The following FBXO31 variants were observed in gnomAD, a reference collection of about 807,000 sequenced individuals.
FBXO31 encodes the protein F-box only protein 31.
FBXO31 carries 24 observed loss-of-function variants against 54.4 expected under a neutral mutation model. That is an observed-to-expected ratio of 0.44 (90% CI 0.32 to 0.62). The LOEUF (loss-of-function observed/expected upper bound fraction) is 0.62. FBXO31 is among the 20% of genes least tolerant of loss of function. The probability of loss-of-function intolerance (pLI) is 0.05; values close to 1 mark genes in which losing one functional copy is unlikely to be tolerated. For synonymous variants in FBXO31, 388 were observed against 335.6 expected (o/e 1.16, Z -1.71); for missense variants, 665 against 787.1 (o/e 0.84, Z 1.86).
At chr16:87,343,818 G>T in intron 3 of FBXO31, 53 bp from the exon 4 acceptor site, 1 of 1,601,320 alleles carries the variant, frequency 6.2e-7, no homozygotes, top group Non-Finnish European at 8.5e-7. Context: ...CCAGAGCAAG[G>T]GCGGCCCCGC....
At chr16:87,379,661 A>G (rs1429013396) in intron 1 of FBXO31, among the ~76,000 whole-genome samples, 1 of 152,036 alleles carries the variant, frequency 6.6e-6, no homozygotes, top group African/African-American at 2.4e-5. Context: ...CATTTCATCC[A>G]TCAGCCAGGG....
At chr16:87,334,671 T>C (rs1904986205) in intron 7 of FBXO31, among the ~76,000 whole-genome samples, 1 of 152,142 alleles carries the variant, frequency 6.6e-6, no homozygotes, top group African/African-American at 2.4e-5. Context: ...AACTCTGGGG[T>C]CCAGGGAATG....
chr16:87,359,016 C>T (rs1029918660), intron 2 of FBXO31, among the ~76,000 whole-genome samples: 1 of 152,206 alleles, frequency 6.6e-6, no homozygotes, highest in Non-Finnish European at 1.5e-5. Context: ...GATTTTCTTC[C>T]ACCACCTGTT....
At chr16:87,360,918 A>G (rs530784890) in intron 1 of FBXO31, among the ~76,000 whole-genome samples, 1 of 151,614 alleles carries the variant, frequency 6.6e-6, no homozygotes, top group East Asian at 2.0e-4. Context: ...GGCCCTGGAC[A>G]CCTCCCGCAA....
intron 4 of FBXO31, among the ~76,000 whole-genome samples, chr16:87,343,238 G>A (rs1209494034): frequency 6.6e-6 from 1 of 152,272 alleles, no homozygotes; most frequent in East Asian, 1.9e-4. Context: ...AGGTGTGGCA[G>A]ATGACACGCT....
At position 87,327,543 on chromosome 16, in the gene FBXO31, C is replaced by T. The variant is rs754285286; in HGVS notation, c.*3745G>A. The T allele has an allele frequency of 5.9e-5, 9 of 152,306 alleles. No individual in the cohort carries two copies. The highest frequency in any genetic ancestry group is 1.2e-4 in the Non-Finnish European group (8 of 68,126). 9.4% of individuals were successfully genotyped at this position (152,306 alleles called of 1,614,324 possible). A position where few individuals can be genotyped will look rare whatever the true frequency, so the allele number is the denominator to read the frequency against. On this transcript the variant is annotated 3_prime_UTR_variant, in exon 9 of 9. Transcript: ENST00000311635. ...TGGTGGTGGGTGCCTGTGGTCCCAGCTACTTGGGAGGCTAAGGCGGGCAGA... is the reference window on the plus strand; with the variant it reads ...TGGTGGTGGGTGCCTGTGGTCCCAGTTACTTGGGAGGCTAAGGCGGGCAGA...
rs1015578948 is a variant in FBXO31, at chr16:87,327,861, G to A, written c.*3427C>T. The A allele has an allele frequency of 2.0e-5, 3 of 152,092 alleles. No homozygotes were observed. Among genetic ancestry groups the A allele is most frequent in the South Asian group, 2.1e-4 (1 of 4,826 alleles). The allele number at this position is 152,092 out of a possible 1,614,324, so 9.4% of individuals were successfully genotyped here. On this transcript the variant is annotated 3_prime_UTR_variant, in exon 9 of 9. Coordinates refer to ENST00000311635, the MANE Select transcript of FBXO31 (RefSeq NM_024735.5). ...GTGATGGTTCTATGAGCACATTCCC[G>A]TAAGTGTTCTTAAAAGTTACACCAC...
chr16:87,378,897 G>T (rs549941199), intron 1 of FBXO31, among the ~76,000 whole-genome samples: 1 of 150,920 alleles, frequency 6.6e-6, no homozygotes, highest in Non-Finnish European at 1.5e-5. Context: ...AGGAGGCGGA[G>T]CTTGCAATGA....
At position 87,346,077 on chromosome 16, in the gene FBXO31, G is replaced by A. The variant is rs1459484523; in HGVS notation, c.489+1097C>T. Among the ~76,000 whole-genome samples, 1 of 152,242 alleles carries A rather than the reference G, an allele frequency of 6.6e-6. No homozygotes were observed. The highest frequency in any genetic ancestry group is 1.5e-5 in the Non-Finnish European group (1 of 68,038). ...GACTCACAAAGCCAGGAAGAGAAAA[G>A]GAGGAATCAGGGCCTGGGGATAGAG... On this transcript the variant is annotated intron_variant, in intron 3 of 8. Transcript: ENST00000311635. This position sits in a 1 kb window ranked among gnomAD's most constrained non-coding sequence, Gnocchi z 4.2.
chr16:87,378,876 G>A (rs1448078052), intron 1 of FBXO31, among the ~76,000 whole-genome samples: 1 of 151,438 alleles, frequency 6.6e-6, no homozygotes, highest in East Asian at 2.0e-4. Flanking sequence ...GCAGGAGAAT[G>A]GCGTGAACCC....
chr16:87,376,917 C>G (rs1013476504), intron 1 of FBXO31, among the ~76,000 whole-genome samples: 1 of 152,220 alleles, frequency 6.6e-6, no homozygotes, highest in Non-Finnish European at 1.5e-5. Context: ...CGATCTATCT[C>G]ATATACGACT....
Position 87,346,306 on chromosome 16 carries a change from C to T in FBXO31, c.489+868G>A, listed in dbSNP as rs1038771933. ...CAGGCCACGGCACCCAGCAAGTGCC[C>T]AGGCGCACAGTGAGGGGTGGGGGGC... On this transcript the variant is annotated intron_variant, in intron 3 of 8. Transcript: ENST00000311635. This position sits in a 1 kb window ranked among gnomAD's most constrained non-coding sequence, Gnocchi z 4.2. Among the ~76,000 whole-genome samples, 2 of 151,638 alleles carry T rather than the reference C, an allele frequency of 1.3e-5. No homozygotes were observed. The highest frequency in any genetic ancestry group is 2.9e-5 in the Non-Finnish European group (2 of 67,954).
At chr16:87,350,052 T>C (rs34580952) in intron 2 of FBXO31, among the ~76,000 whole-genome samples, 66,597 of 152,022 alleles carry the variant, frequency 0.44, 16,163 homozygotes, top group Non-Finnish European at 0.58. Context: ...CGAACATGGT[T>C]TATGTCTGCT....
chr16:87,386,844 C>T (rs56829066), upstream of FBXO31, among the ~76,000 whole-genome samples: 2,800 of 152,162 alleles, frequency 0.018, 117 homozygotes, highest in African/African-American at 0.064. Context: ...AAAAAATGAG[C>T]TGTTTGAAAG....
intron 5 of FBXO31, among the ~76,000 whole-genome samples, chr16:87,341,533 C>T (rs28431291): frequency 6.6e-6 from 1 of 151,856 alleles, no homozygotes; most frequent in East Asian, 1.9e-4. Flanking sequence ...GCAGGTGCCT[C>T]TAAGCCCAGC....
chr16:87,370,133 G>A (rs1220745583), intron 1 of FBXO31, among the ~76,000 whole-genome samples: 1 of 152,196 alleles, frequency 6.6e-6, no homozygotes, highest in Non-Finnish European at 1.5e-5. Flanking sequence ...CTTTGGAAGA[G>A]CCCTTACTGT....
intron 1 of FBXO31, among the ~76,000 whole-genome samples, chr16:87,370,936 G>A (rs1041326261): frequency 1.6e-4 from 24 of 152,180 alleles, no homozygotes; most frequent in African/African-American, 5.5e-4. Context: ...CACAGGGAAT[G>A]AGCTGGCGGT....
At chr16:87,363,520 T>C (rs951836763) in intron 1 of FBXO31, among the ~76,000 whole-genome samples, 1 of 152,206 alleles carries the variant, frequency 6.6e-6, no homozygotes, top group African/African-American at 2.4e-5. Context: ...ATTTCTTAAG[T>C]GAAAATTTGT....
chr16:87,332,822 A>T (rs1275535389), intron 8 of FBXO31, among the ~76,000 whole-genome samples: 1 of 152,190 alleles, frequency 6.6e-6, no homozygotes, highest in East Asian at 1.9e-4. Context: ...CAGCATACGC[A>T]CATAGTGGCT....
Sources: gnomAD v4.1 joint callset for allele counts (sites outside exome capture counted in the v4.1 genomes callset) on GRCh38, gnomAD v4.1.1 for gene constraint, Gnocchi (gnomAD v3.1) non-coding constraint, MANE v1.5 for transcripts, NCBI Gene and HGNC (gene_info 2026-07-23, HGNC 2026-07-21) for gene names.